BRPF1: variants seen among roughly 807,000 people sequenced by gnomAD.
BRPF1 encodes the protein bromodomain and PHD finger containing 1.
BRPF1 carries 15 observed loss-of-function variants against 115.0 expected under a neutral mutation model. The observed-to-expected ratio is 0.13, with a 90% CI of 0.09 to 0.20. The LOEUF (loss-of-function observed/expected upper bound fraction) is 0.20. Ranked by LOEUF, BRPF1 falls within the 10% of genes least tolerant of loss-of-function variation. The probability of loss-of-function intolerance (pLI) is 1.00; values close to 1 mark genes in which losing one functional copy is unlikely to be tolerated. For missense variants in BRPF1, 1,118 were observed against 1,638.3 expected, an observed-to-expected ratio of 0.68 and a Z score of 5.48; for synonymous variants, 647 against 619.8, an observed-to-expected ratio of 1.04 and a Z score of -0.65.
Position 9,744,468 on chromosome 3 carries a change from A to T in BRPF1, c.2880A>T (p.Ser960=). 4 of 1,574,444 alleles carry T rather than the reference A, an allele frequency of 2.5e-6. No homozygotes were observed. Among genetic ancestry groups the T allele is most frequent in the Non-Finnish European group, 8.6e-7 (1 of 1,161,342 alleles). Residue 960 remains serine, a synonymous_variant, in exon 9 of 14, where the codon TCA becomes TCT. Transcript: ENST00000383829. ...RGRSPRPSSS[S]DSDSDKSTED... is the part of the protein sequence containing the mutation. ...GGAGCCCCCGGCCCAGTTCGAGCTC[A>T]GACAGCGACAGTGATAAGTCCACAG...
In BRPF1 at chr3:9,743,175, A is replaced by G; in HGVS notation, c.2233A>G (p.Met745Val). 6.2e-7 allele frequency: 1 copy of G among 1,614,222 alleles called. No individual in the cohort carries two copies. Reference protein sequence around the residue: ...LRQARRQAEKMGIDFETGMHI... With the variant: ...LRQARRQAEKVGIDFETGMHI... ...CCAGGCCCGGCGCCAGGCAGAAAAA[A>G]TGGGCATTGACTTTGAGACGGGCAT... The change falls in exon 7 of 14, where the codon ATG becomes GTG. Residue 745 changes from methionine to valine, a missense_variant. By Grantham distance (21) the Met-to-Val change is conservative. Transcript: ENST00000383829. This position sits in a 1 kb window ranked among gnomAD's most constrained non-coding sequence, Gnocchi z 6.1.
At chr3:9,741,531 G>A (rs2077030064) in intron 5 of BRPF1, 92 bp downstream of exon 5, 1 of 1,331,166 alleles carries the variant, frequency 7.5e-7, no homozygotes, top group Non-Finnish European at 9.8e-7. Flanking sequence ...CAGCTACTCG[G>A]GAGGCTGAGG....
chr3:9,738,747 C>T (rs1559658443), intron 2 of BRPF1, among the ~76,000 whole-genome samples: 1 of 152,236 alleles, frequency 6.6e-6, no homozygotes, highest in Non-Finnish European at 1.5e-5. Context: ...CCTGGGTTCA[C>T]ATCCCAGCTC....
chr3:9,734,807 G>C lies in BRPF1; in HGVS notation c.599+68G>C. ...CAGGGCTCACTAGCCAGAGAGAGGTGAGAGGCACAGATAGAAGAGTGACAG... is the reference window on the plus strand; with the variant it reads ...CAGGGCTCACTAGCCAGAGAGAGGTCAGAGGCACAGATAGAAGAGTGACAG... On this transcript the variant is annotated intron_variant, in intron 2 of 13. Coordinates refer to ENST00000383829, the MANE Select transcript of BRPF1 (RefSeq NM_001003694.2). This position sits in a 1 kb window ranked among gnomAD's most constrained non-coding sequence, Gnocchi z 5.7. 1 of 1,553,650 alleles carries C rather than the reference G, an allele frequency of 6.4e-7. No homozygotes were observed. The highest frequency in any genetic ancestry group is 1.7e-5 in the Admixed American group (1 of 57,430).
rs567877533 is a variant in BRPF1 at position 9,744,015 on chromosome 3, CT to C, written c.2635+117del. 1.1e-3 allele frequency: 1,451 copies of C among 1,349,720 alleles called. 4 individuals carry two copies. Among genetic ancestry groups the C allele is most frequent in the South Asian group, 3.1e-3 (204 of 66,826 alleles). 83.6% of individuals were successfully genotyped at this position (1,349,720 alleles called of 1,614,324 possible). ...GGTCCCTCCTACACAGCTAGCTGTA[CT>C]TTCTCCCTCATTCCCCAATCAGGGG... On this transcript the variant is annotated intron_variant, in intron 8 of 13. Transcript: ENST00000383829.
intron 8 of BRPF1, 73 bp from the exon 9 acceptor site, chr3:9,744,151 G>T (rs563135983): frequency 8.1e-6 from 12 of 1,474,052 alleles, no homozygotes; most frequent in Non-Finnish European, 1.0e-5. Context: ...TATGCCCAGG[G>T]CATGACCCTG....
At chr3:9,742,659 T>A in intron 6 of BRPF1, 1 of 614,178 alleles carries the variant, frequency 1.6e-6, no homozygotes, top group Non-Finnish European at 2.0e-6. Flanking sequence ...ATTTTCTTAC[T>A]AAAGCCTCAT....
rs17050545 is a variant in BRPF1 at position 9,746,262 on chromosome 3, A to C, written c.3325-38A>C. 2,165 of 1,512,384 alleles carry C rather than the reference A, an allele frequency of 1.4e-3. 32 individuals carry two copies. The African/African-American group carries it at 0.025, about 18-fold the overall frequency. The allele number at this position is 1,512,384 out of a possible 1,614,324, so 93.7% of individuals were successfully genotyped here. On this transcript the variant is annotated intron_variant, in intron 12 of 13. Transcript: ENST00000383829. ...TGAGGAGGAAAAGCCTTGGGAGGAC[A>C]TGGACTGAACCAAACTGGGCTCTTA...
intron 12 of BRPF1, 22 bp from the exon 13 acceptor site, chr3:9,746,278 T>C (rs1373987590): frequency 5.9e-6 from 9 of 1,528,360 alleles, no homozygotes; most frequent in Non-Finnish European, 7.9e-6. Context: ...TGAACCAAAC[T>C]GGGCTCTTAT....
In BRPF1 at chr3:9,743,522, A is replaced by C; in HGVS notation, c.2312-56A>C. 1 of 1,552,226 alleles carries C rather than the reference A, an allele frequency of 6.4e-7. No homozygotes were observed. Among genetic ancestry groups the C allele is most frequent in the Non-Finnish European group, 8.7e-7 (1 of 1,144,904 alleles). Reference sequence around the variant, plus strand: ...GGTTTCTTGCTGCCTGCCCAGGTTCAAGGGGCCCTGAGGGCTGCCCTGAGT... The same window carrying C: ...GGTTTCTTGCTGCCTGCCCAGGTTCCAGGGGCCCTGAGGGCTGCCCTGAGT... On this transcript the variant is annotated intron_variant, in intron 7 of 13. Coordinates refer to ENST00000383829, the MANE Select transcript of BRPF1 (RefSeq NM_001003694.2). The surrounding 1 kb of genome is among the most constrained non-coding windows in gnomAD (Gnocchi z 6.1).
chr3:9,742,860 GTT>G, intron 6 of BRPF1, 82 bp from the exon 7 acceptor site: 1 of 1,450,506 alleles, frequency 6.9e-7, no homozygotes, highest in South Asian at 1.3e-5. Flanking sequence ...TGCTGGATGT[GTT>G]TCAGGGGGGC....
intron 3 of BRPF1, among the ~76,000 whole-genome samples, chr3:9,740,312 G>A (rs1460767839): frequency 6.6e-6 from 1 of 152,218 alleles, no homozygotes; most frequent in African/African-American, 2.4e-5. Flanking sequence ...AAGCGGGGAA[G>A]GGGAAGCTCA....
At chr3:9,742,245 C>G in intron 6 of BRPF1, 74 bp downstream of exon 6, 1 of 1,584,462 alleles carries the variant, frequency 6.3e-7, no homozygotes, top group Non-Finnish European at 8.6e-7. Flanking sequence ...AGGTCTGGGC[C>G]AGGACTAGAT....
At position 9,734,531 on chromosome 3, in the gene BRPF1, G is replaced by C. The variant is rs754084147; in HGVS notation, c.391G>C (p.Glu131Gln). ...TGAGGAAGCCCCCGAGGAGGCCCCT[G>C]AGAATGGCAGCAACAAGGAGAACAC... is the stretch of plus-strand genomic sequence containing the variant. ...EDEEAPEEAP[E>Q]NGSNKENTET... is the part of the protein sequence containing the mutation. The change falls in exon 2 of 14, where the codon GAG (glutamate) becomes CAG (glutamine). Residue 131 changes from glutamate to glutamine, a missense_variant. Glu to Gln is a conservative substitution (Grantham distance 29). Around this residue, in one of 10 missense-constraint regions of BRPF1, gnomAD observed 280 missense variants for 382.8 expected, o/e 0.73. Transcript: ENST00000383829. The surrounding 1 kb of genome is among the most constrained non-coding windows in gnomAD (Gnocchi z 5.7). The C allele has an allele frequency of 6.2e-7, 1 of 1,614,118 alleles. No individual in the cohort carries two copies. The highest frequency in any genetic ancestry group is 8.5e-7 in the Non-Finnish European group (1 of 1,180,014).
chr3:9,743,240 C>G lies in BRPF1; in HGVS notation c.2298C>G (p.His766Gln). The G allele has an allele frequency of 1.2e-6, 2 of 1,612,884 alleles. No individual in the cohort carries two copies. Among genetic ancestry groups the G allele is most frequent in the Non-Finnish European group, 1.7e-6 (2 of 1,179,122 alleles). ...GCCTGGCTGGAGATGAGGCCACACA[C>G]CACACTGAAGATGGTGGGTGATATA... ...PHSLAGDEATHHTEDAAEEER... is the reference protein window; with the variant it reads ...PHSLAGDEATQHTEDAAEEER... Residue 766 changes from histidine (H) to glutamine (Q), a missense_variant, in exon 7 of 14, where the codon CAC becomes CAG. His to Gln is a conservative substitution (Grantham distance 24, BLOSUM62 0). Coordinates refer to ENST00000383829, the MANE Select transcript of BRPF1 (RefSeq NM_001003694.2). This position sits in a 1 kb window ranked among gnomAD's most constrained non-coding sequence, Gnocchi z 6.1.
Position 9,740,913 on chromosome 3 carries a change from A to T in BRPF1, c.1694A>T (p.Gln565Leu). The change falls in exon 4 of 14, where the codon CAA becomes CTA. Residue 565 changes from glutamine to leucine, a missense_variant. Physicochemically the swap from Gln to Leu is moderately radical, Grantham distance 113. Around this residue, in one of 10 missense-constraint regions of BRPF1, gnomAD observed 178 missense variants for 303.7 expected, o/e 0.59. Coordinates refer to ENST00000383829, the MANE Select transcript of BRPF1 (RefSeq NM_001003694.2). Reference protein sequence around the residue: ...PLLRRLQTHLQSQRNCDQVGR... With the variant: ...PLLRRLQTHLLSQRNCDQVGR... ...CTACGTCGCCTGCAGACACACCTGC[A>T]ATCTCAGAGGAACTGTGACCAAGTT... 1 of 1,613,314 alleles carries T rather than the reference A, an allele frequency of 6.2e-7. No homozygotes were observed.
chr3:9,739,329 C>T lies in BRPF1; in HGVS notation c.930C>T (p.Ile310=). 1 of 1,614,210 alleles carries T rather than the reference C, an allele frequency of 6.2e-7. No homozygotes were observed. Among genetic ancestry groups the T allele is most frequent in the Non-Finnish European group, 8.5e-7 (1 of 1,180,040 alleles). ...AGGAGTGCTACGGTGTCCCCTATAT[C>T]CCTGAGGGCCAGTGGCTGTGCCGCC... ...VHQECYGVPY[I]PEGQWLCRRC... The change falls in exon 3 of 14, where the codon ATC becomes ATT. Residue 310 remains isoleucine (I), a synonymous_variant. Coordinates refer to ENST00000383829, the MANE Select transcript of BRPF1 (RefSeq NM_001003694.2).
chr3:9,734,039 A>G lies in BRPF1; in HGVS notation c.-10-92A>G. 3.3e-6 allele frequency: 5 copies of G among 1,505,448 alleles called. No homozygotes were observed. Among genetic ancestry groups the G allele is most frequent in the Admixed American group, 2.2e-5 (1 of 44,680 alleles). 93.3% of individuals were successfully genotyped at this position (1,505,448 alleles called of 1,614,324 possible). On this transcript the variant is annotated intron_variant, in intron 1 of 13. Coordinates refer to ENST00000383829, the MANE Select transcript of BRPF1 (RefSeq NM_001003694.2). The surrounding 1 kb of genome is among the most constrained non-coding windows in gnomAD (Gnocchi z 5.7). ...GGCTGGCCAGAATCTGGTGACTCCA[A>G]GTGAGGGGGAGGGCTAGAAAGACTG... is the stretch of plus-strand genomic sequence containing the variant.
Position 9,747,130 on chromosome 3 carries a change from TGA to T in BRPF1, c.3480-33_3480-32del. 3 of 1,603,376 alleles carry T rather than the reference TGA, an allele frequency of 1.9e-6. No individual in the cohort carries two copies. Among genetic ancestry groups the T allele is most frequent in the Non-Finnish European group, 2.6e-6 (3 of 1,170,940 alleles). On this transcript the variant is annotated intron_variant, in intron 13 of 13. Coordinates refer to ENST00000383829, the MANE Select transcript of BRPF1 (RefSeq NM_001003694.2). This position sits in a 1 kb window ranked among gnomAD's most constrained non-coding sequence, Gnocchi z 5.6. Reference sequence around the variant, plus strand: ...GAGGAAGGCTGGTCCTTGTTCTCCCTGAGATGATTTATTTGATCTTCACCTTA... The same window carrying T: ...GAGGAAGGCTGGTCCTTGTTCTCCCTGATGATTTATTTGATCTTCACCTTA...
Sources: gnomAD v4.1 joint callset for allele counts (sites outside exome capture counted in the v4.1 genomes callset) on GRCh38, gnomAD v4.1.1 for gene constraint, gnomAD v4.1.1 regional missense constraint, Gnocchi (gnomAD v3.1) non-coding constraint, MANE v1.5 for transcripts, NCBI Gene and HGNC (gene_info 2026-07-23, HGNC 2026-07-21) for gene names.